Variants in DPY19L3 observed in about 807,000 individuals in gnomAD.
The protein encoded by DPY19L3 is protein C-mannosyl-transferase DPY19L3.
A neutral mutation model predicts 92.3 loss-of-function variants in DPY19L3; 51 were observed. The observed-to-expected ratio is 0.55, with a 90% CI of 0.44 to 0.70. The LOEUF (loss-of-function observed/expected upper bound fraction) is 0.70, where lower values mean the gene tolerates loss of function less well. Ranked by LOEUF, DPY19L3 falls within the 30% of genes least tolerant of loss-of-function variation. DPY19L3 has a pLI of 0.00. For missense variants in DPY19L3, 706 were observed against 855.9 expected (o/e 0.82, Z 2.18); for synonymous variants, 309 against 315.2 (o/e 0.98, Z 0.21).
At chr19:32,471,958 C>T (rs1026462275) in intron 16 of DPY19L3, among the ~76,000 whole-genome samples, 1 of 152,128 alleles carries the variant, frequency 6.6e-6, no homozygotes, top group Non-Finnish European at 1.5e-5. Context: ...AGATGTTCAT[C>T]GAGCCCCAGC....
chr19:32,415,533 C>A (rs1968350087), intron 3 of DPY19L3, among the ~76,000 whole-genome samples: 1 of 152,160 alleles, frequency 6.6e-6, no homozygotes, highest in Non-Finnish European at 1.5e-5. Context: ...AAAGATAGAA[C>A]TCTCTCTGAA....
intron 10 of DPY19L3, among the ~76,000 whole-genome samples, chr19:32,456,797 C>G (rs1258065383): frequency 6.6e-6 from 1 of 152,048 alleles, no homozygotes; most frequent in Non-Finnish European, 1.5e-5. Flanking sequence ...ACACTATATG[C>G]CTGTGTCAAA....
chr19:32,484,261 C>G lies in DPY19L3; in HGVS notation c.*2021C>G, dbSNP rs1389014447. The G allele has an allele frequency of 6.6e-6, 1 of 152,572 alleles. No individual in the cohort carries two copies. Among genetic ancestry groups the G allele is most frequent in the Non-Finnish European group, 1.5e-5 (1 of 68,032 alleles). The allele number at this position is 152,572 out of a possible 1,614,324, so 9.5% of individuals were successfully genotyped here. A position where few individuals can be genotyped will look rare whatever the true frequency, so the allele number is the denominator to read the frequency against. ...CTTTCCAAGACACTGTGACCATGTA[C>G]AGTAGCTATTTCCTGATGACCAAAT... On this transcript the variant is annotated 3_prime_UTR_variant, in exon 19 of 19. Coordinates refer to ENST00000392250, the MANE Select transcript of DPY19L3 (RefSeq NM_001172774.2).
intron 1 of DPY19L3, among the ~76,000 whole-genome samples, chr19:32,407,985 GGC>G (rs1251199839): frequency 6.6e-6 from 1 of 152,082 alleles, no homozygotes; most frequent in African/African-American, 2.4e-5. Context: ...ATACTCGGGA[GGC>G]TGAGGTGGAT....
At chr19:32,465,714 T>C (rs1970180447) in intron 15 of DPY19L3, among the ~76,000 whole-genome samples, 1 of 152,172 alleles carries the variant, frequency 6.6e-6, no homozygotes, top group Non-Finnish European at 1.5e-5. Context: ...AAAGAAAATA[T>C]TGCTAAATAC....
chr19:32,406,000 C>T (rs1185575148), intron 1 of DPY19L3, 91 bp downstream of exon 1: 3 of 151,208 alleles, frequency 2.0e-5, no homozygotes, highest in Non-Finnish European at 3.0e-5. Context: ...CCCCGAGCCC[C>T]TGGGGCCGCC....
In DPY19L3 at chr19:32,436,546, A is replaced by G. The variant is rs762250609; in HGVS notation, c.429A>G (p.Leu143=). ...NIYQEVFLSI[L]YRVLPIQKYL... is the part of the protein sequence containing the mutation. ...ACCAAGAGGTTTTTCTCAGTATTTT[A>G]TATAGAGTTCTACCCATACAGGTAT... Residue 143 remains leucine (L), a synonymous_variant, in exon 5 of 19, where the codon TTA becomes TTG. Coordinates refer to ENST00000392250, the MANE Select transcript of DPY19L3 (RefSeq NM_001172774.2). The G allele has an allele frequency of 3.2e-6, 5 of 1,571,690 alleles. No homozygotes were observed. Among genetic ancestry groups the G allele is most frequent in the Non-Finnish European group, 4.3e-6 (5 of 1,154,174 alleles).
At position 32,408,209 on chromosome 19, in the gene DPY19L3, C is replaced by G; in HGVS notation, c.-37-8C>G. The G allele has an allele frequency of 7.1e-7, 1 of 1,412,966 alleles. No individual in the cohort carries two copies. 87.5% of individuals were successfully genotyped at this position (1,412,966 alleles called of 1,614,324 possible). ...ACTGACGTTGATGGCCTGTTTATTG[C>G]TATCTAGGAGTGATTTGGAGAACAA... On this transcript the variant is annotated splice_polypyrimidine_tract_variant and splice_region_variant and intron_variant, in intron 1 of 18. Coordinates refer to ENST00000392250, the MANE Select transcript of DPY19L3 (RefSeq NM_001172774.2).
chr19:32,481,068 C>A (rs1345257055), intron 18 of DPY19L3: 1 of 311,138 alleles, frequency 3.2e-6, no homozygotes, highest in East Asian at 5.0e-5. Flanking sequence ...AAGTTGCACT[C>A]CAGAGCAGAA....
At chr19:32,474,941 G>A (rs553180520) in intron 16 of DPY19L3, among the ~76,000 whole-genome samples, 49 of 152,216 alleles carry the variant, frequency 3.2e-4, no homozygotes, top group Admixed American at 5.2e-4. Context: ...AGCCCAGCAC[G>A]TAATAGACCC....
intron 12 of DPY19L3, among the ~76,000 whole-genome samples, chr19:32,459,383 G>A (rs1452490539): frequency 6.6e-6 from 1 of 152,160 alleles, no homozygotes; most frequent in Non-Finnish European, 1.5e-5. Flanking sequence ...TTAATGTGCT[G>A]GTGAACTGTG....
At chr19:32,452,874 T>G (rs913918798) in intron 8 of DPY19L3, among the ~76,000 whole-genome samples, 5 of 151,578 alleles carry the variant, frequency 3.3e-5, no homozygotes, top group African/African-American at 1.2e-4. Flanking sequence ...TTTTTTTTTT[T>G]TTTGTATTTT....
chr19:32,476,249 C>T (rs1276532479), intron 16 of DPY19L3, among the ~76,000 whole-genome samples: 1 of 152,002 alleles, frequency 6.6e-6, no homozygotes, highest in African/African-American at 2.4e-5. Flanking sequence ...AGTTGCGTGC[C>T]CTGCTCCAAA....
chr19:32,477,300 C>T (rs8108410), intron 16 of DPY19L3, among the ~76,000 whole-genome samples: 84,228 of 151,294 alleles, frequency 0.56, 23,915 homozygotes, highest in East Asian at 0.63. Context: ...GCAAAAGTAA[C>T]TGAGGTTTTT....
intron 16 of DPY19L3, among the ~76,000 whole-genome samples, chr19:32,473,565 T>TA: frequency 6.6e-6 from 1 of 152,350 alleles, no homozygotes. Flanking sequence ...ACAGTGAATA[T>TA]AAGTATCTTT....
chr19:32,449,279 C>T (rs764745341), intron 8 of DPY19L3, among the ~76,000 whole-genome samples: 1 of 152,094 alleles, frequency 6.6e-6, no homozygotes, highest in Non-Finnish European at 1.5e-5. Flanking sequence ...GTTTTAAACG[C>T]CTAGATTGGA....
At position 32,464,800 on chromosome 19, in the gene DPY19L3, C is replaced by A. The variant is rs778436985; in HGVS notation, c.1614+16C>A. 2.7e-6 allele frequency: 4 copies of A among 1,481,978 alleles called. No homozygotes were observed. The African/African-American group carries it at 5.7e-5, about 21-fold the overall frequency. The allele number at this position is 1,481,978 out of a possible 1,614,324, so 91.8% of individuals were successfully genotyped here. A position where few individuals can be genotyped will look rare whatever the true frequency, so the allele number is the denominator to read the frequency against. ...ATGCTATAAGGTAAGACTGATTTTC[C>A]TCATTCTTGTCATTCATGTATTTAG... On this transcript the variant is annotated intron_variant, in intron 15 of 18. Coordinates refer to ENST00000392250, the MANE Select transcript of DPY19L3 (RefSeq NM_001172774.2).
At position 32,450,480 on chromosome 19, in the gene DPY19L3, C is replaced by G. The variant is rs565064518; in HGVS notation, c.856-2665C>G. Among the ~76,000 whole-genome samples, 4 of 152,190 alleles carry G rather than the reference C, an allele frequency of 2.6e-5. No homozygotes were observed. In the South Asian group the frequency reaches 6.2e-4, roughly 24 times the overall value. ...TCATAGCTACAAAGTGGAAACCACC[C>G]GAATGCCCATATCCCTTCCATAAAC... On this transcript the variant is annotated intron_variant, in intron 8 of 18. Coordinates refer to ENST00000392250, the MANE Select transcript of DPY19L3 (RefSeq NM_001172774.2).
At chr19:32,419,855 A>ATTT (rs1189166828) in intron 3 of DPY19L3, among the ~76,000 whole-genome samples, 28 of 111,822 alleles carry the variant, frequency 2.5e-4, no homozygotes, top group Admixed American at 2.8e-4. Context: ...GCACTCCCCC[A>ATTT]TTTTTTTTTT....
Sources: allele counts gnomAD v4.1 joint callset (sites outside exome capture counted in the v4.1 genomes callset), GRCh38; gene constraint gnomAD v4.1.1; transcripts MANE v1.5; gene names NCBI Gene and HGNC (gene_info 2026-07-23, HGNC 2026-07-21).